LRGUK: variants seen among roughly 807,000 people sequenced by gnomAD.
The protein encoded by LRGUK is leucine-rich repeat and guanylate kinase domain-containing protein.
Under a neutral mutation model 76.0 loss-of-function variants are expected in LRGUK, and 65 were observed. The ratio of observed to expected loss-of-function variants is 0.85; its 90% confidence interval spans 0.70 to 1.05. LRGUK has a LOEUF of 1.05. LRGUK is among the 50% of genes least tolerant of loss of function. The probability of loss-of-function intolerance (pLI) is 0.00; values close to 1 mark genes in which losing one functional copy is unlikely to be tolerated. For synonymous variants in LRGUK, 268 were observed against 265.6 expected (o/e 1.01, Z -0.09); for missense variants, 758 against 732.8 (o/e 1.03, Z -0.40).
the LRGUK span, among the ~76,000 whole-genome samples, chr7:134,274,472 A>G: frequency 6.6e-6 from 1 of 152,200 alleles, no homozygotes; most frequent in African/African-American, 2.4e-5. Flanking sequence ...AAATGTTGCT[A>G]TATCTACTAA....
intron 1 of LRGUK, among the ~76,000 whole-genome samples, chr7:134,128,148 C>T (rs1290292785): frequency 2.7e-5 from 4 of 150,612 alleles, no homozygotes; most frequent in East Asian, 2.0e-4. Flanking sequence ...GAAAGTGCTT[C>T]TTCAAAGACT....
intron 4 of LRGUK, among the ~76,000 whole-genome samples, chr7:134,146,615 T>C (rs568533580): frequency 6.6e-6 from 1 of 152,354 alleles, no homozygotes; most frequent in Admixed American, 6.5e-5. Context: ...CTTCATATAG[T>C]TTGCTAACTT....
chr7:134,273,611 C>A, the LRGUK span, among the ~76,000 whole-genome samples: 14 of 152,002 alleles, frequency 9.2e-5, no homozygotes, highest in Middle Eastern at 3.4e-3. Context: ...ATGATTTTGG[C>A]AAATTTTTTA....
downstream of LRGUK, among the ~76,000 whole-genome samples, chr7:134,267,559 G>A (rs538552235): frequency 2.0e-5 from 3 of 152,272 alleles, no homozygotes; most frequent in Non-Finnish European, 4.4e-5. Context: ...GTTCCCATGG[G>A]TAGTGAATAA....
At chr7:134,178,933 A>AAAAAAAAAAAAAAACC (rs1554464217) in intron 10 of LRGUK, among the ~76,000 whole-genome samples, 3 of 13,646 alleles carry the variant, frequency 2.2e-4, no homozygotes, top group East Asian at 1.2e-3. Context: ...TCTCAAAAAA[A>AAAAAAAAAAAAAAACC]AAAAAAAAAA....
intron 4 of LRGUK, among the ~76,000 whole-genome samples, chr7:134,143,713 AC>A (rs1797862217): frequency 1.3e-5 from 2 of 152,014 alleles, no homozygotes; most frequent in Non-Finnish European, 2.9e-5. Flanking sequence ...GCTTCTCCGC[AC>A]TTGCTTTTGC....
chr7:134,128,256 A>G (rs1175955462), intron 1 of LRGUK, among the ~76,000 whole-genome samples: 1 of 152,232 alleles, frequency 6.6e-6, no homozygotes, highest in East Asian at 1.9e-4. Context: ...TAATGTTCGA[A>G]CAGCCAGCTC....
chr7:134,273,765 T>C, the LRGUK span, among the ~76,000 whole-genome samples: 2 of 152,218 alleles, frequency 1.3e-5, no homozygotes, highest in Admixed American at 1.3e-4. Flanking sequence ...TTCATATGCT[T>C]ATTTTTTATT....
chr7:134,229,421 C>A (rs1554474461), intron 16 of LRGUK, among the ~76,000 whole-genome samples: 1 of 135,646 alleles, frequency 7.4e-6, no homozygotes, highest in Non-Finnish European at 1.6e-5. Flanking sequence ...TATCTATGTT[C>A]AGTAACATCC....
chr7:134,137,393 T>A (rs1296750501), intron 2 of LRGUK, among the ~76,000 whole-genome samples: 1 of 152,196 alleles, frequency 6.6e-6, no homozygotes, highest in Non-Finnish European at 1.5e-5. Context: ...ATTATAGTAA[T>A]CAATGCTTTC....
intron 4 of LRGUK, 104 bp downstream of exon 4, chr7:134,143,266 G>A: frequency 1.4e-6 from 1 of 723,304 alleles, no homozygotes; most frequent in South Asian, 1.7e-5. Context: ...ATAAGATACA[G>A]AGGTAAGCAA....
chr7:134,266,912 C>A (rs1269148081), downstream of LRGUK, among the ~76,000 whole-genome samples: 1 of 152,010 alleles, frequency 6.6e-6, no homozygotes, highest in African/African-American at 2.4e-5. Flanking sequence ...GAAATTATAT[C>A]TTAATTATAG....
Position 134,150,372 on chromosome 7 carries a change from G to C in LRGUK, c.670+2053G>C, listed in dbSNP as rs796420732. Among the ~76,000 whole-genome samples the C allele has an allele frequency of 3.2e-4, 49 of 151,692 alleles. 1 individual carries two copies. Among genetic ancestry groups the C allele is most frequent in the African/African-American group, 1.2e-3 (48 of 41,358 alleles). On this transcript the variant is annotated intron_variant, in intron 5 of 15. Coordinates refer to ENST00000645682, the Ensembl canonical transcript of LRGUK. ...AGCTACTCAGGAGGCTGAGGCAAGAGAATTGCTTGAACCTGGGAGGTGGAG... is the reference window on the plus strand; with the variant it reads ...AGCTACTCAGGAGGCTGAGGCAAGACAATTGCTTGAACCTGGGAGGTGGAG...
chr7:134,253,496 CCTAT>C (rs1802495660), intron 18 of LRGUK, among the ~76,000 whole-genome samples: 1 of 152,270 alleles, frequency 6.6e-6, no homozygotes, highest in Admixed American at 6.5e-5. Context: ...TAGCAGAAAT[CCTAT>C]CTATTAAAAG....
chr7:134,270,983 C>G, the LRGUK span, among the ~76,000 whole-genome samples: 1 of 151,950 alleles, frequency 6.6e-6, no homozygotes, highest in Admixed American at 6.6e-5. Context: ...CATTAATAGT[C>G]TTTTTATTGC....
intron 7 of LRGUK, among the ~76,000 whole-genome samples, chr7:134,170,840 A>G (rs999931473): frequency 3.9e-5 from 6 of 152,160 alleles, no homozygotes; most frequent in Non-Finnish European, 8.8e-5. Flanking sequence ...GAATAATACT[A>G]ATTTTCTCAC....
rs1293145403 is a variant in LRGUK, at chr7:134,133,827, A to G, written c.298-3196A>G. On this transcript the variant is annotated intron_variant, in intron 1 of 15. Transcript: ENST00000645682. ...GTAGTCCCAGCACTTTGGGAGGCGG[A>G]AGTGGGCGGATCACTTGAGCCCAGG... Among the ~76,000 whole-genome samples, 5 of 152,140 alleles carry G rather than the reference A, an allele frequency of 3.3e-5. No homozygotes were observed. In the East Asian group the frequency reaches 9.6e-4, roughly 29 times the overall value.
chr7:134,210,902 A>G (rs558748254), downstream of LRGUK, among the ~76,000 whole-genome samples: 128 of 152,342 alleles, frequency 8.4e-4, no homozygotes, highest in African/African-American at 2.8e-3. Flanking sequence ...CCAGGTGTCT[A>G]CTGTGGAGCA....
chr7:134,148,061 C>T (rs201305262), intron 4 of LRGUK, among the ~76,000 whole-genome samples, 177 bp from the exon 5 acceptor site: 98 of 122,996 alleles, frequency 8.0e-4, no homozygotes, highest in South Asian at 1.4e-3. Context: ...GACTCCTTTT[C>T]AAAAAAAAAA....
Sources: gnomAD v4.1 joint callset for allele counts (sites outside exome capture counted in the v4.1 genomes callset) on GRCh38, gnomAD v4.1.1 for gene constraint, MANE v1.5 for transcripts, NCBI Gene and HGNC (gene_info 2026-07-23, HGNC 2026-07-21) for gene names.